The following PWWP2A variants were observed in gnomAD, a reference collection of about 807,000 sequenced individuals.
The protein encoded by PWWP2A is PWWP domain-containing protein 2A.
Under a neutral mutation model 48.5 loss-of-function variants are expected in PWWP2A, and 18 were observed. The ratio of observed to expected loss-of-function variants is 0.37; its 90% CI spans 0.26 to 0.55. The LOEUF (loss-of-function observed/expected upper bound fraction) is 0.55. PWWP2A is among the 20% of genes least tolerant of loss of function. PWWP2A has a pLI of 0.81. For missense variants in PWWP2A, 867 were observed against 976.4 expected (o/e 0.89, Z 1.49); for synonymous variants, 396 against 387.7 (o/e 1.02, Z -0.25).
chr5:160,085,229 A>AACAGT (rs991872761), intron 2 of PWWP2A, among the ~76,000 whole-genome samples: 1 of 152,028 alleles, frequency 6.6e-6, no homozygotes, highest in Non-Finnish European at 1.5e-5. Flanking sequence ...GGGTAATCCA[A>AACAGT]ACAGTACAGT....
At chr5:160,053,415 T>G in the PWWP2A span, among the ~76,000 whole-genome samples, 1 of 152,008 alleles carries the variant, frequency 6.6e-6, no homozygotes, top group African/African-American at 2.4e-5. Context: ...ACTAAAAAAA[T>G]TAGCCAGGTG....
intron 1 of PWWP2A, among the ~76,000 whole-genome samples, chr5:160,110,694 G>A (rs952638222): frequency 7.3e-5 from 11 of 151,370 alleles, no homozygotes; most frequent in South Asian, 2.1e-4. Context: ...CAACAAGAGC[G>A]AAACTCCACC....
chr5:160,070,913 C>CG (rs1311422548), downstream of PWWP2A, among the ~76,000 whole-genome samples: 2 of 152,138 alleles, frequency 1.3e-5, no homozygotes, highest in African/African-American at 2.4e-5. Flanking sequence ...GCTGGCCAGG[C>CG]GCCGTGGCTC....
chr5:160,082,326 C>A (rs1289946892), intron 2 of PWWP2A, among the ~76,000 whole-genome samples: 2 of 151,780 alleles, frequency 1.3e-5, no homozygotes. Context: ...CGCCTGTAGT[C>A]CCAGCTACTC....
the PWWP2A span, among the ~76,000 whole-genome samples, chr5:160,045,520 A>ACACACACACACTCTCT: frequency 1.8e-5 from 1 of 54,884 alleles, no homozygotes; most frequent in Non-Finnish European, 3.3e-5. Context: ...ACACATACAC[A>ACACACACACACTCTCT]CTCTCTCTCT....
At chr5:160,053,756 T>G in the PWWP2A span, among the ~76,000 whole-genome samples, 2 of 152,170 alleles carry the variant, frequency 1.3e-5, no homozygotes, top group African/African-American at 2.4e-5. Context: ...TCACCTTGAG[T>G]AGTACAAAAT....
At chr5:160,096,405 T>C (rs1755653627) in intron 1 of PWWP2A, among the ~76,000 whole-genome samples, 1 of 152,232 alleles carries the variant, frequency 6.6e-6, no homozygotes, top group Admixed American at 6.5e-5. Flanking sequence ...TCTTACACAG[T>C]ACATAGGTGC....
At chr5:160,098,490 G>C (rs35156682) in intron 1 of PWWP2A, among the ~76,000 whole-genome samples, 1,909 of 152,212 alleles carry the variant, frequency 0.013, 21 homozygotes, top group Middle Eastern at 0.075. Flanking sequence ...ATAACACCTA[G>C]GGCAGTGTTA....
At chr5:160,056,549 C>A in the PWWP2A span, among the ~76,000 whole-genome samples, 3 of 152,094 alleles carry the variant, frequency 2.0e-5, no homozygotes, top group African/African-American at 7.2e-5. Context: ...CATAGCAAGA[C>A]CCTGTCTCTA....
At chr5:160,096,576 A>G (rs917637589) in intron 1 of PWWP2A, among the ~76,000 whole-genome samples, 6 of 152,226 alleles carry the variant, frequency 3.9e-5, no homozygotes, top group African/African-American at 1.4e-4. Flanking sequence ...TGCCCCCATC[A>G]CATGTTCACG....
intron 5 of PWWP2A, among the ~76,000 whole-genome samples, chr5:160,062,815 T>A (rs573061135): frequency 1.3e-4 from 20 of 152,208 alleles, no homozygotes; most frequent in African/African-American, 4.8e-4. Context: ...TGGTTTTTTT[T>A]TTCCCCCTTC....
intron 1 of PWWP2A, among the ~76,000 whole-genome samples, chr5:160,094,964 C>T (rs747917596): frequency 7.3e-5 from 10 of 136,856 alleles, no homozygotes; most frequent in Non-Finnish European, 1.4e-4. Context: ...AGGAGAATGG[C>T]GTGAACCCAA....
exon 4 of PWWP2A, chr5:160,076,648 C>T (rs1479809783): frequency 6.6e-6 from 1 of 152,116 alleles, no homozygotes; most frequent in Non-Finnish European, 1.5e-5. Flanking sequence ...AGACTGCCTG[C>T]CTTTTCTTCA....
At chr5:160,046,603 CATGTT>C in the PWWP2A span, among the ~76,000 whole-genome samples, 205 of 152,196 alleles carry the variant, frequency 1.3e-3, 7 homozygotes, top group Admixed American at 0.011. Flanking sequence ...TATTTCAAAA[CATGTT>C]ATGTTATATT....
At chr5:160,058,601 C>T (rs1757611091), downstream of PWWP2A, among the ~76,000 whole-genome samples, 1 of 151,858 alleles carries the variant, frequency 6.6e-6, no homozygotes, top group South Asian at 2.1e-4. Context: ...TTAGTAGAGA[C>T]AGGGTTTCAC....
At chr5:160,060,912 G>GC (rs1434316817), downstream of PWWP2A, among the ~76,000 whole-genome samples, 4 of 152,190 alleles carry the variant, frequency 2.6e-5, no homozygotes, top group African/African-American at 4.8e-5. Flanking sequence ...TTTAATGTTT[G>GC]TTCAGTGAAT....
At chr5:160,080,753 G>A (rs766854725) in exon 3 of PWWP2A, 2 of 1,561,676 alleles carry the variant, frequency 1.3e-6, no homozygotes, top group Non-Finnish European at 1.7e-6. Flanking sequence ...TGATGTAATA[G>A]CTGCCATTTG....
At chr5:160,097,333 T>A (rs1410888660) in intron 1 of PWWP2A, among the ~76,000 whole-genome samples, 1 of 74,386 alleles carries the variant, frequency 1.3e-5, no homozygotes, top group African/African-American at 5.6e-5. Flanking sequence ...TAAGCCTTTG[T>A]CTCAAAAAAA....
downstream of PWWP2A, among the ~76,000 whole-genome samples, chr5:160,058,597 G>C (rs1452559902): frequency 3.3e-5 from 5 of 151,824 alleles, no homozygotes; most frequent in Admixed American, 1.3e-4. Flanking sequence ...TTTTTTAGTA[G>C]AGACAGGGTT....
Sources: allele counts gnomAD v4.1 joint callset (sites outside exome capture counted in the v4.1 genomes callset), GRCh38; gene constraint gnomAD v4.1.1; transcripts MANE v1.5; gene names NCBI Gene and HGNC (gene_info 2026-07-23, HGNC 2026-07-21).